TSNAXIP1: variants seen among roughly 807,000 people sequenced by gnomAD.
TSNAXIP1 encodes the protein translin-associated factor X-interacting protein 1.
TSNAXIP1 carries 89 observed loss-of-function variants against 84.8 expected under a neutral mutation model. That is an observed-to-expected ratio of 1.05 (90% confidence interval 0.88 to 1.25). TSNAXIP1 has a LOEUF of 1.25. TSNAXIP1 is among the 50% of genes most tolerant of loss of function. The probability of loss-of-function intolerance (pLI) is 0.00; values close to 1 mark genes in which losing one functional copy is unlikely to be tolerated. For missense variants in TSNAXIP1, 874 were observed against 887.6 expected, an observed-to-expected ratio of 0.98 and a Z score of 0.20; for synonymous variants, 347 against 335.2, an observed-to-expected ratio of 1.04 and a Z score of -0.39.
chr16:67,826,574 C>T lies in TSNAXIP1; in HGVS notation c.1401+12C>T, dbSNP rs2065095679. On this transcript the variant is annotated intron_variant, in intron 11 of 15. Coordinates refer to ENST00000561639, the MANE Select transcript of TSNAXIP1 (RefSeq NM_001288990.3). The stretch of plus-strand genomic sequence containing the variant: ...TTGCTGAGGAGCAGGTCAGATCTCA[C>T]CAGCCACTCTGGCCCAGCATGGTCT... 1 of 1,614,014 alleles carries T rather than the reference C, an allele frequency of 6.2e-7. No homozygotes were observed. The highest frequency in any genetic ancestry group is 1.1e-5 in the South Asian group (1 of 91,092).
intron 4 of TSNAXIP1, 66 bp from the exon 5 acceptor site, chr16:67,823,560 A>G: frequency 1.5e-6 from 2 of 1,357,828 alleles, no homozygotes; most frequent in Non-Finnish European, 2.1e-6. Flanking sequence ...AAGAAAAAGA[A>G]AAACAGTTCC....
Position 67,825,153 on chromosome 16 carries a change from A to C in TSNAXIP1, c.695A>C (p.Lys232Thr). 1.2e-6 allele frequency: 2 copies of C among 1,614,082 alleles called. No homozygotes were observed. Among genetic ancestry groups the C allele is most frequent in the Non-Finnish European group, 1.7e-6 (2 of 1,180,018 alleles). The change falls in exon 7 of 16, where the codon AAG (lysine) becomes ACG (threonine). Residue 232 changes from lysine to threonine, a missense_variant. Lys to Thr is a moderately conservative substitution (Grantham distance 78, BLOSUM62 -1). Transcript: ENST00000561639. ...SLQSEVTKLR[K>T]NLAEEYLHYL... is the part of the protein sequence containing the mutation. The stretch of plus-strand genomic sequence containing the variant: ...TCTTGCCAGGTGACCAAACTGAGGA[A>C]GAACTTGGCTGAGGAGTACCTGCAC...
intron 2 of TSNAXIP1, among the ~76,000 whole-genome samples, chr16:67,818,462 AG>A (rs1473953040): frequency 6.6e-6 from 1 of 151,950 alleles, no homozygotes; most frequent in African/African-American, 2.4e-5. Context: ...AGTTACTGTG[AG>A]GTGTTATTGG....
rs763052010 is a variant in TSNAXIP1, at chr16:67,826,528, A to G, written c.1367A>G (p.Lys456Arg). The change falls in exon 11 of 16, where the codon AAG (lysine) becomes AGG (arginine). Residue 456 changes from lysine (K) to arginine (R), a missense_variant. Lys to Arg is a conservative substitution (Grantham distance 26). Coordinates refer to ENST00000561639, the MANE Select transcript of TSNAXIP1 (RefSeq NM_001288990.3). The stretch of plus-strand genomic sequence containing the variant: ...AAGAAGGACGTGGTCAACCTCCTCA[A>G]GGATGCCTGGAAGGAACGTCTTGCT... The part of the protein sequence containing the change: ...PSKKDVVNLL[K>R]DAWKERLAEE... The G allele has an allele frequency of 6.2e-7, 1 of 1,614,154 alleles. No individual in the cohort carries two copies. Among genetic ancestry groups the G allele is most frequent in the Non-Finnish European group, 8.5e-7 (1 of 1,180,014 alleles).
At position 67,824,744 on chromosome 16, in the gene TSNAXIP1, A is replaced by C. The variant is rs577451167; in HGVS notation, c.643A>C (p.Lys215Gln). Residue 215 changes from lysine to glutamine, a missense_variant, in exon 6 of 16, where the codon AAA becomes CAA. By Grantham distance (53) the Lys-to-Gln change is moderately conservative. Coordinates refer to ENST00000561639, the MANE Select transcript of TSNAXIP1 (RefSeq NM_001288990.3). ...GATGAACTTGCTAAAACTCATCGACAAAAAGAATGAGGAGAAGATTTCATT... is the reference window on the plus strand; with the variant it reads ...GATGAACTTGCTAAAACTCATCGACCAAAAGAATGAGGAGAAGATTTCATT... The part of the protein sequence containing the change: ...EKMNLLKLID[K>Q]KNEEKISLQS... 2 of 1,614,156 alleles carry C rather than the reference A, an allele frequency of 1.2e-6. No individual in the cohort carries two copies. The highest frequency in any genetic ancestry group is 4.5e-5 in the East Asian group (2 of 44,884).
At position 67,827,806 on chromosome 16, in the gene TSNAXIP1, C is replaced by G. The variant is rs746936019; in HGVS notation, c.1952C>G (p.Pro651Arg). The G allele has an allele frequency of 1.4e-5, 22 of 1,614,008 alleles. No homozygotes were observed. The highest frequency in any genetic ancestry group is 1.8e-5 in the Non-Finnish European group (21 of 1,180,046). ...CGAGGGGGCCTGATGACCATCGACC[C>G]CAGCCTGGACAAGCAGACAGTGAAC... ...KLRGGLMTID[P>R]SLDKQTVNTY... Residue 651 changes from proline to arginine, a missense_variant, in exon 16 of 16, where the codon CCC (proline) becomes CGC (arginine). Pro to Arg is a moderately radical substitution (Grantham distance 103). Coordinates refer to ENST00000561639, the MANE Select transcript of TSNAXIP1 (RefSeq NM_001288990.3).
intron 1 of TSNAXIP1, among the ~76,000 whole-genome samples, chr16:67,813,629 A>C (rs886703537): frequency 1.6e-4 from 23 of 145,642 alleles, no homozygotes; most frequent in Non-Finnish European, 2.9e-4. Context: ...GCTACTCGGG[A>C]TGCTGAGGCA....
intron 1 of TSNAXIP1, among the ~76,000 whole-genome samples, chr16:67,810,356 C>T (rs535925983): frequency 2.0e-4 from 30 of 152,222 alleles, no homozygotes; most frequent in Admixed American, 1.0e-3. Flanking sequence ...TACGGTGGCT[C>T]ACGTCTGTAA....
chr16:67,822,292 A>G (rs1044424865), intron 4 of TSNAXIP1, among the ~76,000 whole-genome samples: 5 of 151,730 alleles, frequency 3.3e-5, no homozygotes, highest in Non-Finnish European at 5.9e-5. Context: ...AAAAAAAAAA[A>G]AAAAAGAAAA....
intron 2 of TSNAXIP1, among the ~76,000 whole-genome samples, chr16:67,818,776 T>G (rs1485033929): frequency 6.6e-6 from 1 of 150,798 alleles, no homozygotes; most frequent in East Asian, 2.0e-4. Flanking sequence ...CCATGTCTGC[T>G]CACTGTGGCC....
At chr16:67,815,345 TC>T (rs1332564219) in intron 2 of TSNAXIP1, among the ~76,000 whole-genome samples, 1 of 145,188 alleles carries the variant, frequency 6.9e-6, no homozygotes, top group Admixed American at 6.9e-5. Context: ...AAGAATGCCA[TC>T]TTTTTTTTTG....
chr16:67,826,528 A>T lies in TSNAXIP1; in HGVS notation c.1367A>T (p.Lys456Met). 2 of 1,614,154 alleles carry T rather than the reference A, an allele frequency of 1.2e-6. No homozygotes were observed. Among genetic ancestry groups the T allele is most frequent in the Non-Finnish European group, 1.7e-6 (2 of 1,180,014 alleles). ...PSKKDVVNLL[K>M]DAWKERLAEE... ...AAGAAGGACGTGGTCAACCTCCTCA[A>T]GGATGCCTGGAAGGAACGTCTTGCT... Residue 456 changes from lysine (K) to methionine (M), a missense_variant, in exon 11 of 16, where the codon AAG (lysine) becomes ATG (methionine). Transcript: ENST00000561639.
At position 67,826,242 on chromosome 16, in the gene TSNAXIP1, G is replaced by A; in HGVS notation, c.1235G>A (p.Gly412Asp). ...GTGGACGTGCTCCTGGAAGAGATTG[G>A]TTCGGGGCTGCTGCGGGAGAAAGAC... ...QLVDVLLEEIGSGLLREKDFF... is the reference protein window; with the variant it reads ...QLVDVLLEEIDSGLLREKDFF... Residue 412 changes from glycine to aspartate, a missense_variant, in exon 10 of 16, where the codon GGT (glycine) becomes GAT (aspartate). Gly to Asp is a moderately conservative substitution (Grantham distance 94, BLOSUM62 -1). Coordinates refer to ENST00000561639, the MANE Select transcript of TSNAXIP1 (RefSeq NM_001288990.3). 6.3e-7 allele frequency: 1 copy of A among 1,591,726 alleles called. No homozygotes were observed. Among genetic ancestry groups the A allele is most frequent in the Non-Finnish European group, 8.6e-7 (1 of 1,167,464 alleles).
chr16:67,824,246 C>A (rs1270128835), intron 5 of TSNAXIP1, among the ~76,000 whole-genome samples: 1 of 152,052 alleles, frequency 6.6e-6, no homozygotes, highest in Non-Finnish European at 1.5e-5. Flanking sequence ...GGGGCAGTCC[C>A]TGTTGAAAAT....
intron 1 of TSNAXIP1, among the ~76,000 whole-genome samples, chr16:67,811,469 TCTCTC>T: frequency 8.0e-6 from 1 of 124,462 alleles, no homozygotes; most frequent in African/African-American, 3.5e-5. Flanking sequence ...TGAGACAGAG[TCTCTC>T]TGTGTTGCCC....
In TSNAXIP1 at chr16:67,828,044, A is replaced by T. The variant is rs1402084229; in HGVS notation, c.*51A>T. ...CAGTCCTGCTAACCCCTAGCTTTTA[A>T]TATAAAAGTGTTTGTCTGAATCCAT... On this transcript the variant is annotated 3_prime_UTR_variant, in exon 16 of 16. Transcript: ENST00000561639. 6 of 1,593,216 alleles carry T rather than the reference A, an allele frequency of 3.8e-6. No homozygotes were observed. The highest frequency in any genetic ancestry group is 4.3e-6 in the Non-Finnish European group (5 of 1,170,106).
intron 4 of TSNAXIP1, among the ~76,000 whole-genome samples, chr16:67,823,180 G>A (rs2057193565): frequency 6.6e-6 from 1 of 152,098 alleles, no homozygotes; most frequent in Non-Finnish European, 1.5e-5. Flanking sequence ...GTACCCGGGT[G>A]GTATCTAGGG....
chr16:67,817,805 G>C (rs993508826), intron 2 of TSNAXIP1, among the ~76,000 whole-genome samples: 1 of 151,936 alleles, frequency 6.6e-6, no homozygotes, highest in African/African-American at 2.4e-5. Context: ...AGAATTGCTT[G>C]AACTTGGGAG....
chr16:67,810,118 T>C (rs2055912312), intron 1 of TSNAXIP1, among the ~76,000 whole-genome samples: 2 of 152,172 alleles, frequency 1.3e-5, no homozygotes, highest in African/African-American at 4.8e-5. Flanking sequence ...ATGGATAAGC[T>C]AGACCTTAGC....
Sources: gnomAD v4.1 joint callset for allele counts (sites outside exome capture counted in the v4.1 genomes callset) on GRCh38, gnomAD v4.1.1 for gene constraint, MANE v1.5 for transcripts, NCBI Gene and HGNC (gene_info 2026-07-23, HGNC 2026-07-21) for gene names.